TRIO: variants seen among roughly 807,000 people sequenced by gnomAD.
TRIO encodes the protein trio Rho guanine nucleotide exchange factor.
A neutral mutation model predicts 351.9 loss-of-function variants in TRIO; 58 were observed. That is an observed-to-expected ratio of 0.16 (90% CI 0.13 to 0.21). The LOEUF (loss-of-function observed/expected upper bound fraction) is 0.21, where lower values mean the gene tolerates loss of function less well. Ranked by LOEUF, TRIO falls within the 10% of genes least tolerant of loss-of-function variation. TRIO has a pLI of 1.00. For missense variants in TRIO, 3,201 were observed against 4,027.8 expected (o/e 0.79, Z 5.56); for synonymous variants, 1,758 against 1,595.7 (o/e 1.10, Z -2.42).
At chr5:14,359,609 C>T (rs1436190501) in intron 13 of TRIO, 78 bp downstream of exon 13, 3 of 1,529,622 alleles carry the variant, frequency 2.0e-6, no homozygotes, top group Non-Finnish European at 2.7e-6. Flanking sequence ...CCTCTTGTCT[C>T]TGCCCTGCTG....
chr5:14,266,972 A>G (rs528896095), intron 1 of TRIO, among the ~76,000 whole-genome samples: 1 of 152,334 alleles, frequency 6.6e-6, no homozygotes, highest in Non-Finnish European at 1.5e-5. Flanking sequence ...TCCTGAAGCT[A>G]GCTTTTCATT....
At chr5:14,389,710 G>A (rs932294433) in intron 25 of TRIO, among the ~76,000 whole-genome samples, 1 of 152,208 alleles carries the variant, frequency 6.6e-6, no homozygotes, top group African/African-American at 2.4e-5. Flanking sequence ...AGGGTTGAGA[G>A]ACAGTGGAGC....
chr5:14,494,705 C>T (rs921225552), intron 49 of TRIO, among the ~76,000 whole-genome samples: 4 of 152,104 alleles, frequency 2.6e-5, no homozygotes, highest in African/African-American at 9.7e-5. Flanking sequence ...TCGAGACCAG[C>T]CTGACAAGTA....
rs1196868251 is a variant in TRIO, at chr5:14,319,851, T to A, written c.1731+3108T>A. ...TTTGGTTTGTAAAACATGGTTAATTTTGGTTTCGAGGTTAATTTTTTCCCC... is the reference window on the plus strand; with the variant it reads ...TTTGGTTTGTAAAACATGGTTAATTATGGTTTCGAGGTTAATTTTTTCCCC... On this transcript the variant is annotated intron_variant, in intron 9 of 56. Transcript: ENST00000344204. Among the ~76,000 whole-genome samples, 56 of 152,164 alleles carry A rather than the reference T, an allele frequency of 3.7e-4. 1 individual carries two copies. Among genetic ancestry groups the A allele is most frequent in the Admixed American group, 3.7e-3 (56 of 15,278 alleles).
chr5:14,318,924 T>TC (rs995123107), intron 9 of TRIO, among the ~76,000 whole-genome samples: 1 of 151,988 alleles, frequency 6.6e-6, no homozygotes, highest in African/African-American at 2.4e-5. Flanking sequence ...CCCCCTCCTT[T>TC]CCCCCCACAC....
chr5:14,363,309 T>A lies in TRIO; in HGVS notation c.2392-423T>A, dbSNP rs554794279. Among the ~76,000 whole-genome samples, 11 of 152,350 alleles carry A rather than the reference T, an allele frequency of 7.2e-5. No homozygotes were observed. The South Asian group carries it at 2.3e-3, about 32-fold the overall frequency. On this transcript the variant is annotated intron_variant, in intron 13 of 56. Transcript: ENST00000344204. ...GCCACCACCCCCAGCCGATTTACTGTCTACTTCTAGTGGAGACCAAATACT... is the reference window on the plus strand; with the variant it reads ...GCCACCACCCCCAGCCGATTTACTGACTACTTCTAGTGGAGACCAAATACT...
intron 9 of TRIO, among the ~76,000 whole-genome samples, chr5:14,326,068 C>A (rs1256899868): frequency 6.6e-6 from 1 of 152,082 alleles, no homozygotes; most frequent in Non-Finnish European, 1.5e-5. Context: ...CTGAGGCAGG[C>A]ATCCTGGCTT....
At chr5:14,463,589 C>G (rs551498642) in intron 36 of TRIO, among the ~76,000 whole-genome samples, 9 of 152,016 alleles carry the variant, frequency 5.9e-5, no homozygotes, top group South Asian at 2.1e-4. Flanking sequence ...GAAAGGAAAC[C>G]TGCTCAGTGT....
At chr5:14,343,105 A>AAG (rs1169316177) in intron 11 of TRIO, among the ~76,000 whole-genome samples, 1 of 124,474 alleles carries the variant, frequency 8.0e-6, no homozygotes, top group African/African-American at 2.6e-5. Flanking sequence ...AAAAAAAAAA[A>AAG]AGAGAGAGAA....
intron 1 of TRIO, among the ~76,000 whole-genome samples, chr5:14,186,373 A>G (rs1246622957): frequency 6.6e-6 from 1 of 152,262 alleles, no homozygotes; most frequent in East Asian, 1.9e-4. Flanking sequence ...TAGTTTTTCC[A>G]CTTTGTTCCA....
intron 1 of TRIO, among the ~76,000 whole-genome samples, chr5:14,205,241 C>T (rs1001516133): frequency 6.6e-6 from 1 of 152,208 alleles, no homozygotes; most frequent in Non-Finnish European, 1.5e-5. Flanking sequence ...GCACATCCAC[C>T]GCATGCTTCC....
chr5:14,440,968 G>A (rs529695148), intron 34 of TRIO: 22 of 152,260 alleles, frequency 1.4e-4, no homozygotes, highest in African/African-American at 5.3e-4. Flanking sequence ...AATCCACCGC[G>A]TCTGGGTATT....
intron 1 of TRIO, among the ~76,000 whole-genome samples, chr5:14,207,863 C>T (rs1401787844): frequency 6.6e-6 from 1 of 152,034 alleles, no homozygotes; most frequent in African/African-American, 2.4e-5. Flanking sequence ...AAATTGAGCA[C>T]AAGATTTAAA....
intron 9 of TRIO, among the ~76,000 whole-genome samples, chr5:14,325,624 G>T: frequency 6.6e-6 from 1 of 152,162 alleles, no homozygotes; most frequent in Non-Finnish European, 1.5e-5. Flanking sequence ...ATTGCAGTGT[G>T]GGACTTGGCG....
At position 14,246,619 on chromosome 5, in the gene TRIO, C is replaced by T. The variant is rs554600961; in HGVS notation, c.158-24206C>T. On this transcript the variant is annotated intron_variant, in intron 1 of 56. Transcript: ENST00000344204. ...TCTTCTTCCCAGCTGAGGCCTGCCC[C>T]CTTTCTGTGGGCCAGCCTCAGGGAA... is the stretch of plus-strand genomic sequence containing the variant. Among the ~76,000 whole-genome samples, 175 of 152,322 alleles carry T rather than the reference C, an allele frequency of 1.1e-3. 1 individual carries two copies. The highest frequency in any genetic ancestry group is 4.1e-3 in the African/African-American group (170 of 41,562).
chr5:14,179,160 C>T (rs983559945), intron 1 of TRIO, among the ~76,000 whole-genome samples: 3 of 152,128 alleles, frequency 2.0e-5, no homozygotes, highest in Non-Finnish European at 4.4e-5. Context: ...CGTCGGTGTC[C>T]CGTCCTGCCA....
intron 55 of TRIO, among the ~76,000 whole-genome samples, 184 bp from the exon 56 acceptor site, chr5:14,506,938 C>T (rs1757730369): frequency 6.6e-6 from 1 of 152,254 alleles, no homozygotes; most frequent in Admixed American, 6.5e-5. Context: ...ACCCCACTCG[C>T]ATCTTCCCAA....
chr5:14,152,013 C>G (rs1370107106), intron 1 of TRIO, among the ~76,000 whole-genome samples: 1 of 152,092 alleles, frequency 6.6e-6, no homozygotes, highest in Non-Finnish European at 1.5e-5. Flanking sequence ...TGAAGCTGAA[C>G]CACACAAATA....
At chr5:14,192,526 G>A (rs183627413) in intron 1 of TRIO, among the ~76,000 whole-genome samples, 3 of 152,084 alleles carry the variant, frequency 2.0e-5, no homozygotes, top group East Asian at 1.9e-4. Flanking sequence ...CTCCCGCTTC[G>A]GCCTCTCACC....
Sources: allele counts gnomAD v4.1 joint callset (sites outside exome capture counted in the v4.1 genomes callset), GRCh38; gene constraint gnomAD v4.1.1; transcripts MANE v1.5; gene names NCBI Gene and HGNC (gene_info 2026-07-23, HGNC 2026-07-21).